Variants in MEGF10 observed in about 807,000 individuals in gnomAD.
MEGF10 encodes multiple EGF like domains 10.
MEGF10 carries 86 observed loss-of-function variants against 147.5 expected under a neutral mutation model. The ratio of observed to expected loss-of-function variants is 0.58; its 90% confidence interval spans 0.49 to 0.70. The LOEUF (loss-of-function observed/expected upper bound fraction) is 0.70, where lower values mean the gene tolerates loss of function less well. MEGF10 is among the 30% of genes least tolerant of loss of function. The pLI, the probability that MEGF10 is intolerant of heterozygous loss-of-function variation, is 0.00. For synonymous variants in MEGF10, 478 were observed against 525.5 expected (o/e 0.91, Z 1.24); for missense variants, 1,329 against 1,487.3 (o/e 0.89, Z 1.75).
At chr5:127,388,450 A>T (rs1215417085) in intron 5 of MEGF10, among the ~76,000 whole-genome samples, 1 of 152,088 alleles carries the variant, frequency 6.6e-6, no homozygotes, top group Non-Finnish European at 1.5e-5. Context: ...TGCCCAGCCT[A>T]CATAGAATTA....
At chr5:127,264,070 C>A in the MEGF10 span, among the ~76,000 whole-genome samples, 2 of 152,094 alleles carry the variant, frequency 1.3e-5, no homozygotes, top group South Asian at 4.1e-4. Context: ...TTTCCATTAC[C>A]AGTTGTATAA....
At chr5:127,282,505 T>C in the MEGF10 span, among the ~76,000 whole-genome samples, 1 of 152,228 alleles carries the variant, frequency 6.6e-6, no homozygotes, top group African/African-American at 2.4e-5. Context: ...TTTACTTTAC[T>C]GCTATACTTG....
At chr5:127,435,314 C>T (rs554093160) in intron 15 of MEGF10, 47 bp from the exon 16 acceptor site, 109 of 1,606,000 alleles carry the variant, frequency 6.8e-5, no homozygotes, top group Middle Eastern at 1.7e-4. Context: ...TAGGGTTCTG[C>T]GAGAGGGGTT....
chr5:127,452,884 C>G (rs564568151), intron 22 of MEGF10, among the ~76,000 whole-genome samples: 31 of 152,174 alleles, frequency 2.0e-4, no homozygotes, highest in Non-Finnish European at 4.3e-4. Context: ...TGCCCTTCCC[C>G]CCAGCTATGG....
chr5:127,320,346 A>T (rs979865805), intron 1 of MEGF10, among the ~76,000 whole-genome samples: 1 of 152,194 alleles, frequency 6.6e-6, no homozygotes, highest in Non-Finnish European at 1.5e-5. Flanking sequence ...AGAGATAATT[A>T]TGGATGATGT....
chr5:127,418,189 C>T (rs1166533351), intron 10 of MEGF10, among the ~76,000 whole-genome samples: 3 of 152,106 alleles, frequency 2.0e-5, no homozygotes, highest in East Asian at 1.9e-4. Flanking sequence ...GAAGACACAT[C>T]GAGTTAGCAT....
At chr5:127,410,713 C>T (rs748048634) in intron 9 of MEGF10, 112 bp downstream of exon 9, 42 of 946,282 alleles carry the variant, frequency 4.4e-5, no homozygotes, top group Non-Finnish European at 6.4e-5. Context: ...CCCCCTCCTG[C>T]CTCTAGGCTA....
chr5:127,441,152 T>G (rs1765744059), intron 18 of MEGF10, among the ~76,000 whole-genome samples: 1 of 152,222 alleles, frequency 6.6e-6, no homozygotes, highest in African/African-American at 2.4e-5. Context: ...CTCCTTCTTA[T>G]TTTTGGAATG....
At chr5:127,291,550 C>T (rs2126692912) in intron 1 of MEGF10, among the ~76,000 whole-genome samples, 1 of 152,202 alleles carries the variant, frequency 6.6e-6, no homozygotes. Flanking sequence ...TCTAGGCTGG[C>T]GGGATGCTCC....
intron 5 of MEGF10, among the ~76,000 whole-genome samples, chr5:127,371,515 G>A (rs1029848595): frequency 2.6e-5 from 4 of 152,164 alleles, no homozygotes; most frequent in Non-Finnish European, 5.9e-5. Context: ...TAGTGGGATA[G>A]GGAAGAGTGG....
intron 6 of MEGF10, 111 bp from the exon 7 acceptor site, chr5:127,398,565 C>T: frequency 7.9e-7 from 1 of 1,257,994 alleles, no homozygotes; most frequent in South Asian, 1.4e-5. Flanking sequence ...ATTAAATGAA[C>T]AATTATTGAA....
At chr5:127,424,712 C>A in intron 13 of MEGF10, 1 of 271,750 alleles carries the variant, frequency 3.7e-6, no homozygotes, top group Non-Finnish European at 5.9e-6. Flanking sequence ...CGAGGCCTCC[C>A]CAACCCTGTA....
At chr5:127,273,132 C>T in the MEGF10 span, among the ~76,000 whole-genome samples, 2 of 152,316 alleles carry the variant, frequency 1.3e-5, no homozygotes, top group African/African-American at 4.8e-5. Context: ...GGAGCAGCTG[C>T]TCTGCCAAGA....
intron 1 of MEGF10, among the ~76,000 whole-genome samples, chr5:127,304,017 G>A (rs1434715866): frequency 6.6e-6 from 1 of 152,158 alleles, no homozygotes; most frequent in Non-Finnish European, 1.5e-5. Flanking sequence ...TCTACTCAAG[G>A]ATTTGTCTAG....
chr5:127,403,313 G>A (rs1320133874), intron 8 of MEGF10, among the ~76,000 whole-genome samples: 1 of 151,708 alleles, frequency 6.6e-6, no homozygotes, highest in African/African-American at 2.4e-5. Context: ...TTTTTTGTGG[G>A]CACATAGTAG....
intron 21 of MEGF10, 102 bp from the exon 22 acceptor site, chr5:127,448,997 T>C (rs780805363): frequency 1.8e-5 from 26 of 1,478,816 alleles, no homozygotes; most frequent in Non-Finnish European, 2.3e-5. Flanking sequence ...CTCTAAGGAC[T>C]GGTCCTCAAT....
At chr5:127,230,726 C>T in the MEGF10 span, among the ~76,000 whole-genome samples, 2 of 152,140 alleles carry the variant, frequency 1.3e-5, no homozygotes, top group African/African-American at 4.8e-5. Context: ...GACTGAGGCA[C>T]GTGGAATCTG....
At chr5:127,384,185 C>T (rs1409975200) in intron 5 of MEGF10, among the ~76,000 whole-genome samples, 2 of 152,176 alleles carry the variant, frequency 1.3e-5, no homozygotes, top group African/African-American at 4.8e-5. Context: ...TGTGATAAAT[C>T]TCACTGTGGG....
At chr5:127,356,547 G>A (rs1762287467) in intron 4 of MEGF10, among the ~76,000 whole-genome samples, 1 of 152,160 alleles carries the variant, frequency 6.6e-6, no homozygotes, top group Non-Finnish European at 1.5e-5. Context: ...AGTGGTTATG[G>A]CAAGTTTAAA....
Sources: allele counts gnomAD v4.1 joint callset (sites outside exome capture counted in the v4.1 genomes callset), GRCh38; gene constraint gnomAD v4.1.1; transcripts MANE v1.5; gene names NCBI Gene and HGNC (gene_info 2026-07-23, HGNC 2026-07-21).